Variants in CDK14 observed in about 807,000 individuals in gnomAD.
The protein encoded by CDK14 is cyclin dependent kinase 14.
CDK14 carries 34 observed loss-of-function variants against 60.7 expected under a neutral mutation model. That is an observed-to-expected ratio of 0.56 (90% CI 0.43 to 0.75). The LOEUF (loss-of-function observed/expected upper bound fraction) is 0.75, where lower values mean the gene tolerates loss of function less well. Among genes scored for constraint, CDK14 ranks in the 30% least tolerant of loss-of-function variants. The pLI is 0.00. For missense variants in CDK14, 482 were observed against 564.1 expected, an observed-to-expected ratio of 0.85 and a Z score of 1.47; for synonymous variants, 197 against 203.7, an observed-to-expected ratio of 0.97 and a Z score of 0.28.
chr7:90,747,796 A>G, intron 4 of CDK14, 21 bp downstream of exon 4: 1 of 1,336,808 alleles, frequency 7.5e-7, no homozygotes. Context: ...TATTTTTGGA[A>G]TATTTCACAT....
At chr7:91,138,067 A>C (rs1048843791) in intron 14 of CDK14, among the ~76,000 whole-genome samples, 9 of 152,182 alleles carry the variant, frequency 5.9e-5, no homozygotes, top group African/African-American at 2.2e-4. Flanking sequence ...ATAAGGTTTA[A>C]TTAAAACTGC....
intron 2 of CDK14, among the ~76,000 whole-genome samples, chr7:90,631,673 G>A (rs1437833243): frequency 1.3e-5 from 2 of 152,162 alleles, no homozygotes; most frequent in African/African-American, 4.8e-5. Flanking sequence ...AAAGAGTAGT[G>A]CACAGTGTAC....
At chr7:91,007,517 C>A (rs1796012812) in intron 10 of CDK14, among the ~76,000 whole-genome samples, 1 of 152,160 alleles carries the variant, frequency 6.6e-6, no homozygotes, top group African/African-American at 2.4e-5. Context: ...CCAGACAGAA[C>A]ACTGCTAGAC....
At chr7:91,078,243 G>A (rs951419697) in intron 11 of CDK14, among the ~76,000 whole-genome samples, 1 of 152,148 alleles carries the variant, frequency 6.6e-6, no homozygotes, top group African/African-American at 2.4e-5. Context: ...CTACTTAAAG[G>A]TTCATCAATG....
At chr7:90,658,217 G>A (rs1409984371) in intron 2 of CDK14, among the ~76,000 whole-genome samples, 1 of 152,154 alleles carries the variant, frequency 6.6e-6, no homozygotes, top group Non-Finnish European at 1.5e-5. Context: ...TTGGGCTAGT[G>A]TAACAAAATA....
intron 8 of CDK14, among the ~76,000 whole-genome samples, chr7:90,949,362 G>C (rs1002687810): frequency 2.6e-5 from 4 of 151,740 alleles, no homozygotes; most frequent in African/African-American, 9.7e-5. Context: ...CACCACACTT[G>C]GCCAATTTTT....
intron 3 of CDK14, among the ~76,000 whole-genome samples, chr7:90,740,747 T>A (rs1803312406): frequency 6.6e-6 from 1 of 152,190 alleles, no homozygotes; most frequent in Non-Finnish European, 1.5e-5. Flanking sequence ...TTGGTTCGGA[T>A]TTTTTCTTTA....
At chr7:90,958,625 A>G (rs1794505260) in intron 9 of CDK14, among the ~76,000 whole-genome samples, 1 of 152,198 alleles carries the variant, frequency 6.6e-6, no homozygotes, top group Admixed American at 6.5e-5. Flanking sequence ...AAAGTTGAAA[A>G]TAAAGGCCAA....
chr7:90,841,953 GCCTAGAATTCAAAT>G (rs1257790568), intron 5 of CDK14, among the ~76,000 whole-genome samples: 2 of 151,996 alleles, frequency 1.3e-5, no homozygotes, highest in African/African-American at 4.8e-5. Context: ...CAGAGACAAA[GCCTAGAATTCAAAT>G]CCTATGTATT....
chr7:90,972,840 A>T (rs1309263428), intron 9 of CDK14, among the ~76,000 whole-genome samples: 1 of 152,188 alleles, frequency 6.6e-6, no homozygotes, highest in Non-Finnish European at 1.5e-5. Context: ...ATCGCCCCTC[A>T]GTACCTGATT....
Position 90,988,011 on chromosome 7 carries a change from G to T in CDK14, c.1041+3770G>T, listed in dbSNP as rs112049426. ...TAGAAAGGTAGTTAATAACTTTGAA[G>T]CACAAAATTAATAGCTTGTTACCCA... On this transcript the variant is annotated intron_variant, in intron 10 of 14. Transcript: ENST00000380050. 2.1e-3 allele frequency among the ~76,000 whole-genome samples: 324 copies of T among 152,216 alleles called. 1 individual carries two copies. Among genetic ancestry groups the T allele is most frequent in the African/African-American group, 7.4e-3 (307 of 41,566 alleles).
chr7:90,649,236 GTTTCTTTC>G (rs1167505193), intron 2 of CDK14, among the ~76,000 whole-genome samples: 1,532 of 118,286 alleles, frequency 0.013, 27 homozygotes, highest in African/African-American at 0.016. Flanking sequence ...CTAGCCTATA[GTTTCTTTC>G]TTTCTTTCTT....
At chr7:90,638,427 A>T (rs2116430108) in intron 2 of CDK14, among the ~76,000 whole-genome samples, 1 of 151,880 alleles carries the variant, frequency 6.6e-6, no homozygotes, top group Middle Eastern at 3.4e-3. Context: ...TGGGTTGAAA[A>T]TTTTTTTCTT....
chr7:90,887,078 T>G (rs969537899), intron 6 of CDK14, among the ~76,000 whole-genome samples: 4 of 152,154 alleles, frequency 2.6e-5, no homozygotes, highest in African/African-American at 4.8e-5. Context: ...TGTGAGTTTT[T>G]CCCCTAGCTA....
At chr7:90,660,627 T>C (rs1399903010) in intron 2 of CDK14, among the ~76,000 whole-genome samples, 2 of 152,252 alleles carry the variant, frequency 1.3e-5, no homozygotes, top group African/African-American at 4.8e-5. Flanking sequence ...TATTGATATA[T>C]ACATACAATA....
chr7:91,178,153 A>G (rs1089817), intron 14 of CDK14, among the ~76,000 whole-genome samples: 6,375 of 9,656 alleles, frequency 0.66, 2,614 homozygotes, highest in East Asian at 0.99. Context: ...CAGAAATAAC[A>G]CCGCATATCT....
At chr7:91,078,870 T>G (rs1032858628) in intron 11 of CDK14, among the ~76,000 whole-genome samples, 13 of 152,234 alleles carry the variant, frequency 8.5e-5, no homozygotes, top group African/African-American at 3.1e-4. Context: ...CTGTATCACT[T>G]GATTGTTTAA....
intron 2 of CDK14, among the ~76,000 whole-genome samples, chr7:90,617,090 A>C (rs1044785045): frequency 5.9e-5 from 9 of 152,190 alleles, no homozygotes; most frequent in Non-Finnish European, 1.5e-5. Flanking sequence ...AACATGTATA[A>C]AATAGAAATT....
At chr7:90,757,209 AGTGTGTGTGTGTGTGTGTGT>A (rs56790315) in intron 4 of CDK14, among the ~76,000 whole-genome samples, 5 of 120,298 alleles carry the variant, frequency 4.2e-5, no homozygotes, top group African/African-American at 1.6e-4. Context: ...GCATTCTTCC[AGTGTGTGTGTGTGTGTGTGT>A]GTGTGTGTGT....
Sources: gnomAD v4.1 joint callset for allele counts (sites outside exome capture counted in the v4.1 genomes callset) on GRCh38, gnomAD v4.1.1 for gene constraint, MANE v1.5 for transcripts, NCBI Gene and HGNC (gene_info 2026-07-23, HGNC 2026-07-21) for gene names.